The following ZCWPW2 variants were observed in gnomAD, a reference collection of about 807,000 sequenced individuals.
ZCWPW2 encodes the protein zinc finger CW-type PWWP domain protein 2.
Under a neutral mutation model 46.6 loss-of-function variants are expected in ZCWPW2, and 45 were observed. That is an observed-to-expected ratio of 0.96 (90% CI 0.76 to 1.24). The LOEUF is 1.24. Ranked by LOEUF, ZCWPW2 falls within the 50% of genes most tolerant of loss-of-function variation. The probability of loss-of-function intolerance (pLI) is 0.00; values close to 1 mark genes in which losing one functional copy is unlikely to be tolerated. For synonymous variants in ZCWPW2, 152 were observed against 137.1 expected (o/e 1.11, Z -0.76); for missense variants, 429 against 403.9 (o/e 1.06, Z -0.53).
intron 1 of ZCWPW2, among the ~76,000 whole-genome samples, chr3:28,388,775 A>G (rs1278729472): frequency 1.3e-5 from 2 of 152,186 alleles, no homozygotes; most frequent in Non-Finnish European, 2.9e-5. Context: ...ACCTTCAGCC[A>G]GCATCTCAGC....
chr3:28,458,174 G>T (rs1171921139), intron 4 of ZCWPW2, among the ~76,000 whole-genome samples: 7 of 152,258 alleles, frequency 4.6e-5, no homozygotes. Flanking sequence ...TAGGTTGTCT[G>T]TTATGAATTA....
intron 4 of ZCWPW2, among the ~76,000 whole-genome samples, chr3:28,439,369 T>G (rs1459826058): frequency 2.0e-5 from 3 of 152,070 alleles, no homozygotes; most frequent in Non-Finnish European, 2.9e-5. Flanking sequence ...TTTTCACATT[T>G]GTCTGCCTGC....
At chr3:28,407,740 A>G (rs1389241834) in intron 2 of ZCWPW2, among the ~76,000 whole-genome samples, 1 of 152,200 alleles carries the variant, frequency 6.6e-6, no homozygotes, top group African/African-American at 2.4e-5. Flanking sequence ...CTAGTTCAAT[A>G]TAACTAAGTT....
intron 3 of ZCWPW2, among the ~76,000 whole-genome samples, chr3:28,432,176 G>A (rs149839206): frequency 5.8e-4 from 89 of 152,304 alleles, no homozygotes; most frequent in African/African-American, 2.0e-3. Context: ...AGTGCGTCTT[G>A]TCTGGTTTAT....
intron 1 of ZCWPW2, among the ~76,000 whole-genome samples, chr3:28,374,411 A>C (rs1377412766): frequency 1.3e-5 from 2 of 152,158 alleles, no homozygotes; most frequent in African/African-American, 2.4e-5. Flanking sequence ...GAACTCAGGT[A>C]ATGTGACGCT....
At chr3:28,370,785 T>G (rs2125701723) in intron 1 of ZCWPW2, among the ~76,000 whole-genome samples, 1 of 152,290 alleles carries the variant, frequency 6.6e-6, no homozygotes, top group Admixed American at 6.5e-5. Context: ...CAGGCTGGAG[T>G]GCAATGGTGT....
At chr3:28,391,271 A>G (rs887753174) in intron 2 of ZCWPW2, among the ~76,000 whole-genome samples, 10 of 151,740 alleles carry the variant, frequency 6.6e-5, no homozygotes, top group Non-Finnish European at 1.3e-4. Context: ...AGAACATAGA[A>G]GAGGATATAG....
chr3:28,495,877 A>T (rs1699976938), intron 6 of ZCWPW2, among the ~76,000 whole-genome samples: 1 of 152,028 alleles, frequency 6.6e-6, no homozygotes, highest in South Asian at 2.1e-4. Flanking sequence ...CTAGGCAAGG[A>T]TTAGAGACAC....
Position 28,416,973 on chromosome 3 carries a change from TTC to T in ZCWPW2, c.332+3577_332+3578del, listed in dbSNP as rs1208816393. 4.0e-5 allele frequency among the ~76,000 whole-genome samples: 6 copies of T among 150,798 alleles called. No homozygotes were observed. The East Asian group carries it at 9.8e-4, about 25-fold the overall frequency. On this transcript the variant is annotated intron_variant, in intron 3 of 9. Coordinates refer to ENST00000383768, the MANE Select transcript of ZCWPW2 (RefSeq NM_001040432.4). ...GTTCATCAAGGATATTGGTCTAAAA[TTC>T]TCTTTTTTTGTTGTGTCTCTGTCAG...
chr3:28,506,664 G>A (rs1030593471), intron 6 of ZCWPW2, among the ~76,000 whole-genome samples: 2 of 152,034 alleles, frequency 1.3e-5, no homozygotes, highest in African/African-American at 4.8e-5. Context: ...TAATTTTAAT[G>A]TGTCACCAGA....
At chr3:28,394,450 C>G (rs750836502) in intron 2 of ZCWPW2, among the ~76,000 whole-genome samples, 1 of 152,032 alleles carries the variant, frequency 6.6e-6, no homozygotes, top group Non-Finnish European at 1.5e-5. Context: ...ATGAAAGACT[C>G]TAAATTTATA....
At chr3:28,402,143 C>A (rs1163458380) in intron 2 of ZCWPW2, among the ~76,000 whole-genome samples, 1 of 151,822 alleles carries the variant, frequency 6.6e-6, no homozygotes, top group Admixed American at 6.6e-5. Context: ...AAAGCTAGTT[C>A]TTTGAAAAGA....
At chr3:28,352,616 G>C (rs1224693664) in intron 1 of ZCWPW2, among the ~76,000 whole-genome samples, 3 of 151,978 alleles carry the variant, frequency 2.0e-5, no homozygotes, top group Non-Finnish European at 2.9e-5. Context: ...TGACTTATCA[G>C]TTGATCATTA....
intron 3 of ZCWPW2, among the ~76,000 whole-genome samples, chr3:28,422,232 C>A (rs1696820816): frequency 3.9e-5 from 6 of 152,058 alleles, no homozygotes; most frequent in Admixed American, 3.9e-4. Flanking sequence ...CCATAGTTTA[C>A]ATTAGGATTC....
chr3:28,355,403 T>C (rs1374876583), intron 1 of ZCWPW2, among the ~76,000 whole-genome samples: 1 of 152,210 alleles, frequency 6.6e-6, no homozygotes, highest in Non-Finnish European at 1.5e-5. Context: ...AGAATCAATA[T>C]TGTGAAAATG....
chr3:28,409,017 G>A (rs1056887456), intron 2 of ZCWPW2, among the ~76,000 whole-genome samples: 7 of 151,362 alleles, frequency 4.6e-5, no homozygotes, highest in African/African-American at 1.7e-4. Context: ...AATATTATTT[G>A]ATCATTGGTT....
intron 1 of ZCWPW2, among the ~76,000 whole-genome samples, chr3:28,373,459 T>TTTTG (rs149130529): frequency 8.5e-5 from 13 of 152,104 alleles, no homozygotes; most frequent in East Asian, 3.9e-4. Context: ...TGTTGTTTTT[T>TTTTG]TTTGTTTGTT....
chr3:28,522,918 A>C (rs1378007783), intron 9 of ZCWPW2, among the ~76,000 whole-genome samples: 1 of 152,154 alleles, frequency 6.6e-6, no homozygotes, highest in Non-Finnish European at 1.5e-5. Context: ...GGTTTTGTGC[A>C]GTGTTTTTCA....
intron 1 of ZCWPW2, among the ~76,000 whole-genome samples, chr3:28,375,049 C>A (rs369232909): frequency 5.4e-4 from 82 of 151,842 alleles, no homozygotes; most frequent in Non-Finnish European, 1.0e-3. Flanking sequence ...GCTGAATCCT[C>A]TTGCTGAATT....
Sources: gnomAD v4.1 joint callset for allele counts (sites outside exome capture counted in the v4.1 genomes callset) on GRCh38, gnomAD v4.1.1 for gene constraint, MANE v1.5 for transcripts, NCBI Gene and HGNC (gene_info 2026-07-23, HGNC 2026-07-21) for gene names.